The following ATP6V1G1 variants were observed in gnomAD, a reference collection of about 807,000 sequenced individuals.
ATP6V1G1 encodes ATPase H+ transporting V1 subunit G1.
ATP6V1G1 carries 14 observed loss-of-function variants against 14.2 expected under a neutral mutation model. The ratio of observed to expected loss-of-function variants is 0.99; its 90% CI spans 0.65 to 1.55. ATP6V1G1 has a LOEUF of 1.55. Ranked by LOEUF, ATP6V1G1 falls within the 40% of genes most tolerant of loss-of-function variation. ATP6V1G1 has a pLI of 0.00. For synonymous variants in ATP6V1G1, 65 were observed against 53.3 expected (o/e 1.22, Z -0.96); for missense variants, 137 against 146.4 (o/e 0.94, Z 0.33).
chr9:114,591,994 G>A (rs1047850039), intron 1 of ATP6V1G1, among the ~76,000 whole-genome samples: 2 of 152,126 alleles, frequency 1.3e-5, no homozygotes, highest in Non-Finnish European at 2.9e-5. Context: ...CAGTCTTACT[G>A]TCCAGTACTC....
chr9:114,588,059 C>G (rs1410918634), intron 1 of ATP6V1G1, 139 bp downstream of exon 1: 1 of 912,948 alleles, frequency 1.1e-6, no homozygotes, highest in Non-Finnish European at 1.6e-6. Context: ...TGTTTCGAAG[C>G]TTTGAGGAGC....
At chr9:114,591,513 A>G (rs1041668187) in intron 1 of ATP6V1G1, among the ~76,000 whole-genome samples, 2 of 152,244 alleles carry the variant, frequency 1.3e-5, no homozygotes, top group Non-Finnish European at 2.9e-5. Flanking sequence ...TAGGCCAGAA[A>G]TAATACTGGA....
chr9:114,589,683 G>A (rs901727048), intron 1 of ATP6V1G1, among the ~76,000 whole-genome samples: 1 of 152,178 alleles, frequency 6.6e-6, no homozygotes, highest in Non-Finnish European at 1.5e-5. Context: ...TTTCCAGAAT[G>A]ACTTCTCACA....
At chr9:114,595,817 C>T (rs928312754) in intron 2 of ATP6V1G1, among the ~76,000 whole-genome samples, 1 of 151,754 alleles carries the variant, frequency 6.6e-6, no homozygotes, top group Non-Finnish European at 1.5e-5. Flanking sequence ...CCTTATAGGT[C>T]GTTGTGAGGA....
chr9:114,588,234 G>A (rs1465729343), intron 1 of ATP6V1G1: 2 of 337,280 alleles, frequency 5.9e-6, no homozygotes, highest in Non-Finnish European at 1.1e-5. Flanking sequence ...ACCGCTCTGG[G>A]GTGGTCAGTC....
chr9:114,589,006 T>G (rs1285324471), intron 1 of ATP6V1G1, among the ~76,000 whole-genome samples: 8 of 152,182 alleles, frequency 5.3e-5, no homozygotes, highest in Admixed American at 1.3e-4. Flanking sequence ...CAGCATGATG[T>G]CTTTCACCTG....
chr9:114,588,510 AGTGTGTGTGTGTGTGT>A (rs66783144), intron 1 of ATP6V1G1, among the ~76,000 whole-genome samples: 1 of 147,196 alleles, frequency 6.8e-6, no homozygotes, highest in Admixed American at 6.8e-5. Context: ...TGGCAAGCGC[AGTGTGTGTGTGTGTGT>A]GTGTGTGTGT....
intron 2 of ATP6V1G1, among the ~76,000 whole-genome samples, chr9:114,595,039 T>G (rs1025829465): frequency 1.3e-5 from 2 of 150,676 alleles, no homozygotes; most frequent in Admixed American, 6.6e-5. Context: ...TTTTTTTTTT[T>G]GTCTTTTTAG....
chr9:114,593,542 C>G (rs766977735), intron 2 of ATP6V1G1, among the ~76,000 whole-genome samples: 6 of 152,134 alleles, frequency 3.9e-5, no homozygotes, highest in Non-Finnish European at 2.9e-5. Flanking sequence ...ATCATTCAGG[C>G]TTTAGTGCAG....
In ATP6V1G1 at chr9:114,595,997, AAAG is replaced by A. The variant is rs1347349646; in HGVS notation, c.184-1569_184-1567del. On this transcript the variant is annotated intron_variant, in intron 2 of 2. Coordinates refer to ENST00000374050, the MANE Select transcript of ATP6V1G1 (RefSeq NM_004888.4). ...AGAACGTTATAGGTTAAGTTCTAAT[AAAG>A]AAGGCACAGCAGTTAACAAAAAGCT... 2.6e-5 allele frequency among the ~76,000 whole-genome samples: 4 copies of A among 152,272 alleles called. No homozygotes were observed. In the East Asian group the frequency reaches 5.8e-4, roughly 22 times the overall value.
chr9:114,597,647 C>A lies in ATP6V1G1; in HGVS notation c.261C>A (p.Tyr87Ter). The A allele has an allele frequency of 6.3e-7, 1 of 1,591,256 alleles. No homozygotes were observed. ...TQEKMTILQTYFRQNRDEVLD... is the reference protein window; with the variant it reads ...TQEKMTILQT ...AGAAGATGACCATCCTCCAGACATA[C>A]TTCCGGCAGAACAGGGATGAAGTCT... Residue 87 changes from tyrosine (Y) to a stop codon, truncating the protein, a stop_gained, in exon 3 of 3, where the codon TAC becomes TAA. Transcript: ENST00000374050. LOFTEE classifies it high-confidence loss of function.
In ATP6V1G1 at chr9:114,592,556, G is replaced by A. The variant is rs1845193209; in HGVS notation, c.87G>A (p.Lys29=). Residue 29 remains lysine (K), a synonymous_variant, in exon 2 of 3, where the codon AAG becomes AAA. Transcript: ENST00000374050. ...AEKVSEARKR[K]NRRLKQAKEE... ...AGCTCTCTCCTTTGAAAACAGGAAA[G>A]AACCGGAGGCTGAAGCAGGCCAAAG... The A allele has an allele frequency of 2.6e-6, 4 of 1,562,042 alleles. No homozygotes were observed. Among genetic ancestry groups the A allele is most frequent in the Non-Finnish European group, 3.5e-6 (4 of 1,153,202 alleles).
intron 1 of ATP6V1G1, among the ~76,000 whole-genome samples, chr9:114,590,358 C>T (rs1044910100): frequency 2.7e-5 from 4 of 150,610 alleles, no homozygotes; most frequent in African/African-American, 4.9e-5. Flanking sequence ...CTCCAGAGTT[C>T]GAGATTTTGT....
chr9:114,596,331 T>C lies in ATP6V1G1; in HGVS notation c.184-1239T>C, dbSNP rs546861859. ...TGAACCCGGGAGGCGGAGCTTGCAG[T>C]GAACGGAGATCGCGCCACTGCACTC... On this transcript the variant is annotated intron_variant, in intron 2 of 2. Coordinates refer to ENST00000374050, the MANE Select transcript of ATP6V1G1 (RefSeq NM_004888.4). Among the ~76,000 whole-genome samples, 5 of 143,528 alleles carry C rather than the reference T, an allele frequency of 3.5e-5. No individual in the cohort carries two copies. The South Asian group carries it at 1.1e-3, about 31-fold the overall frequency. 94.2% of individuals were successfully genotyped at this position (143,528 alleles called of 152,430 possible). A position where few individuals can be genotyped will look rare whatever the true frequency, so the allele number is the denominator to read the frequency against.
At chr9:114,597,236 C>T (rs10817643) in intron 2 of ATP6V1G1, among the ~76,000 whole-genome samples, 3 of 151,556 alleles carry the variant, frequency 2.0e-5, no homozygotes, top group South Asian at 2.1e-4. Flanking sequence ...GTGATCCGCC[C>T]GCCTCGGCCT....
intron 2 of ATP6V1G1, 54 bp from the exon 3 acceptor site, chr9:114,597,516 C>A: frequency 7.2e-7 from 1 of 1,395,450 alleles, no homozygotes; most frequent in Non-Finnish European, 9.4e-7. Flanking sequence ...ATGTACCTGA[C>A]CAACCAGAGC....
At chr9:114,593,039 G>A (rs1845200666) in intron 2 of ATP6V1G1, among the ~76,000 whole-genome samples, 1 of 152,118 alleles carries the variant, frequency 6.6e-6, no homozygotes, top group African/African-American at 2.4e-5. Flanking sequence ...AAAATGCTGT[G>A]ACGGTCATAA....
chr9:114,590,152 C>G (rs988040860), intron 1 of ATP6V1G1, among the ~76,000 whole-genome samples: 8 of 148,152 alleles, frequency 5.4e-5, no homozygotes, highest in Non-Finnish European at 1.0e-4. Flanking sequence ...GAGCGGAGAT[C>G]TGTCCCACAG....
intron 1 of ATP6V1G1, chr9:114,588,206 C>G (rs993810100): frequency 4.6e-6 from 2 of 438,430 alleles, no homozygotes; most frequent in East Asian, 3.9e-5. Flanking sequence ...GCTCTTTGTT[C>G]TTCTTCTCTC....
Sources: allele counts gnomAD v4.1 joint callset (sites outside exome capture counted in the v4.1 genomes callset), GRCh38; gene constraint gnomAD v4.1.1; transcripts MANE v1.5; gene names NCBI Gene and HGNC (gene_info 2026-07-23, HGNC 2026-07-21).